Variants in COL16A1 observed in about 807,000 individuals in gnomAD.
COL16A1 encodes the protein collagen type XVI alpha 1 chain, also known as collagen alpha-1(XVI) chain.
A neutral mutation model predicts 266.3 loss-of-function variants in COL16A1; 189 were observed. The ratio of observed to expected loss-of-function variants is 0.71; its 90% confidence interval spans 0.63 to 0.80. The LOEUF (loss-of-function observed/expected upper bound fraction) is 0.80. COL16A1 is among the 30% of genes least tolerant of loss of function. The pLI is 0.00. For missense variants in COL16A1, 1,928 were observed against 2,122.4 expected (o/e 0.91, Z 1.80); for synonymous variants, 740 against 782.3 (o/e 0.95, Z 0.90).
chr1:31,666,766 C>T (rs1210827403), intron 52 of COL16A1, among the ~76,000 whole-genome samples: 1 of 152,148 alleles, frequency 6.6e-6, no homozygotes, highest in East Asian at 1.9e-4. Context: ...GCCACCTGCT[C>T]AGAGAGGCCT....
In COL16A1 at chr1:31,686,384, T is replaced by A. The variant is rs559197577; in HGVS notation, c.1804-105A>T. The stretch of plus-strand genomic sequence containing the variant: ...AAGCAACCCCTTCAGATGTCCAGAC[T>A]ACCCTCTCATGTCCAGAGAGGAAGA... On this transcript the variant is annotated intron_variant, in intron 26 of 70. Coordinates refer to ENST00000373672, the MANE Select transcript of COL16A1 (RefSeq NM_001856.4). The A allele has an allele frequency of 2.6e-5, 38 of 1,438,578 alleles. No homozygotes were observed. In the African/African-American group the frequency reaches 5.0e-4, roughly 19 times the overall value. 89.1% of individuals were successfully genotyped at this position (1,438,578 alleles called of 1,614,324 possible).
chr1:31,692,896 A>G (rs1644337502), intron 13 of COL16A1, 88 bp from the exon 14 acceptor site: 1 of 1,320,260 alleles, frequency 7.6e-7, no homozygotes, highest in African/African-American at 1.5e-5. Flanking sequence ...CGGGAACCCC[A>G]TAGTCCTAAG....
chr1:31,691,979 G>C (rs1036909810), intron 17 of COL16A1, 26 bp downstream of exon 17: 15 of 1,613,432 alleles, frequency 9.3e-6, no homozygotes, highest in Non-Finnish European at 1.3e-5. Context: ...TGTGGGTTGT[G>C]GTGGGGAAGG....
rs374606696 is a variant in COL16A1 at position 31,691,639 on chromosome 1, G to A, written c.1261C>T (p.Arg421Trp). 1.1e-4 allele frequency: 170 copies of A among 1,613,334 alleles called. No individual in the cohort carries two copies. Among genetic ancestry groups the A allele is most frequent in the Middle Eastern group, 1.7e-4 (1 of 6,058 alleles). Reference sequence around the variant, plus strand: ...CCAATGACACAGATCTCTCCTGGCCGGCCCTGTGGGGGGATAAGGGGGAGG... The same window carrying A: ...CCAATGACACAGATCTCTCCTGGCCAGCCCTGTGGGGGGATAAGGGGGAGG... ...GVPGKPGRDGRPGEICVIGPK... is the reference protein window; with the variant it reads ...GVPGKPGRDGWPGEICVIGPK... The change falls in exon 18 of 71, where the codon CGG becomes TGG. Residue 421 changes from arginine to tryptophan, a missense_variant. By Grantham distance (101) the Arg-to-Trp change is moderately radical. This residue lies in a region of COL16A1 where 1,552 missense variants were observed against 1,637.2 expected (regional missense o/e 0.95). Coordinates refer to ENST00000373672, the MANE Select transcript of COL16A1 (RefSeq NM_001856.4).
At chr1:31,692,897 T>C in intron 13 of COL16A1, 89 bp from the exon 14 acceptor site, 1 of 1,275,990 alleles carries the variant, frequency 7.8e-7, no homozygotes, top group Admixed American at 1.8e-5. Context: ...GGGAACCCCA[T>C]AGTCCTAAGT....
At chr1:31,686,454 G>C (rs1026031469) in intron 26 of COL16A1, 175 bp from the exon 27 acceptor site, 9 of 860,920 alleles carry the variant, frequency 1.0e-5, no homozygotes, top group African/African-American at 3.3e-5. Flanking sequence ...CCAGCCAGGG[G>C]CTAGAAGCCC....
chr1:31,688,503 C>A lies in COL16A1; in HGVS notation c.1768-1G>T. 2 of 1,614,180 alleles carry A rather than the reference C, an allele frequency of 1.2e-6. No individual in the cohort carries two copies. Among genetic ancestry groups the A allele is most frequent in the South Asian group, 1.1e-5 (1 of 91,086 alleles). ...TCAGCCCTGGAACCCCAGCTCTACC[C>A]TGAAAAACAACCAAGACAGAGTCTC... On this transcript the variant is annotated splice_acceptor_variant, in intron 25 of 70. Coordinates refer to ENST00000373672, the MANE Select transcript of COL16A1 (RefSeq NM_001856.4). LOFTEE classifies it high-confidence loss of function. This position sits in a 1 kb window ranked among gnomAD's most constrained non-coding sequence, Gnocchi z 4.9.
chr1:31,671,717 GA>G, intron 47 of COL16A1, 58 bp from the exon 48 acceptor site: 1 of 1,607,802 alleles, frequency 6.2e-7, no homozygotes, highest in Non-Finnish European at 8.5e-7. Flanking sequence ...GAGCCCCTGG[GA>G]TTCCAGCAGC....
In COL16A1 at chr1:31,679,796, C is replaced by A; in HGVS notation, c.2718+8G>T. ...GCGCTGGCGGACAAGAGGAGACAAGCGACACACCTGCGGGCCCGGCTGCCA... is the reference window on the plus strand; with the variant it reads ...GCGCTGGCGGACAAGAGGAGACAAGAGACACACCTGCGGGCCCGGCTGCCA... On this transcript the variant is annotated splice_region_variant and intron_variant, in intron 41 of 70. Coordinates refer to ENST00000373672, the MANE Select transcript of COL16A1 (RefSeq NM_001856.4). 6.4e-7 allele frequency: 1 copy of A among 1,571,822 alleles called. No individual in the cohort carries two copies. The highest frequency in any genetic ancestry group is 1.2e-5 in the South Asian group (1 of 83,572).
intron 4 of COL16A1, among the ~76,000 whole-genome samples, chr1:31,699,251 G>A (rs775641645): frequency 4.1e-4 from 62 of 152,188 alleles, no homozygotes; most frequent in Non-Finnish European, 4.7e-4. Flanking sequence ...TGACTATTTC[G>A]CTATCGCATT....
Position 31,685,896 on chromosome 1 carries a change from C to T in COL16A1, c.1885-126G>A. 6.6e-7 allele frequency: 1 copy of T among 1,520,442 alleles called. No individual in the cohort carries two copies. The highest frequency in any genetic ancestry group is 8.9e-7 in the Non-Finnish European group (1 of 1,122,736). The allele number at this position is 1,520,442 out of a possible 1,614,324, so 94.2% of individuals were successfully genotyped here. A position where few individuals can be genotyped will look rare whatever the true frequency, so the allele number is the denominator to read the frequency against. ...GCACCTCTGCTGGGTGAGGGGTTAT[C>T]TTGGGAAAGATGAAGGGAGAACAGG... On this transcript the variant is annotated intron_variant, in intron 28 of 70. Transcript: ENST00000373672. This position sits in a 1 kb window ranked among gnomAD's most constrained non-coding sequence, Gnocchi z 4.0.
chr1:31,695,993 G>T, intron 9 of COL16A1, 95 bp downstream of exon 9: 1 of 1,173,660 alleles, frequency 8.5e-7, no homozygotes, highest in Non-Finnish European at 1.3e-6. Context: ...AAGGCGGGAG[G>T]AGAGTGGGAG....
At position 31,665,592 on chromosome 1, in the gene COL16A1, C is replaced by A. The variant is rs375283417; in HGVS notation, c.3483G>T (p.Pro1161=). 6.2e-7 allele frequency: 1 copy of A among 1,613,724 alleles called. No homozygotes were observed. The highest frequency in any genetic ancestry group is 1.7e-5 in the Admixed American group (1 of 59,960). The change falls in exon 55 of 71, where the codon CCG becomes CCT. Residue 1161 remains proline, a synonymous_variant. Transcript: ENST00000373672. Reference sequence around the variant, plus strand: ...TGTCTTCTTCACTCACCGGTGGGCCCGGAAAGCCTGGCTGGCCTTGAAATC... The same window carrying A: ...TGTCTTCTTCACTCACCGGTGGGCCAGGAAAGCCTGGCTGGCCTTGAAATC... ...DQGFQGQPGF[P]GPPGPPGFPG...
At position 31,658,583 on chromosome 1, in the gene COL16A1, G is replaced by A; in HGVS notation, c.3931-6C>T. 1.3e-6 allele frequency: 2 copies of A among 1,597,904 alleles called. No homozygotes were observed. The highest frequency in any genetic ancestry group is 1.7e-6 in the Non-Finnish European group (2 of 1,173,202). On this transcript the variant is annotated splice_polypyrimidine_tract_variant and splice_region_variant and intron_variant, in intron 63 of 70. Transcript: ENST00000373672. ...CCTCGGTCTCCTTTCAGACCCTAGA[G>A]AATAGGAAGGGGGACAGTGAGAGGG...
At position 31,695,766 on chromosome 1, in the gene COL16A1, C is replaced by T. The variant is rs181832523; in HGVS notation, c.940G>A (p.Asp314Asn). ...GAKVHQETAADECPPCVHGAR... is the reference protein window; with the variant it reads ...GAKVHQETAANECPPCVHGAR... ...CAGTCCACTGGGAGGCTTACCTCAT[C>T]GGCTGCTGTCTCCTGATGGACCTGA... The change falls in exon 10 of 71, where the codon GAT (aspartate) becomes AAT (asparagine). Residue 314 changes from aspartate (D) to asparagine (N), a missense_variant. This residue lies in a region of COL16A1 where 1,552 missense variants were observed against 1,637.2 expected (regional missense o/e 0.95). Transcript: ENST00000373672. The T allele has an allele frequency of 9.9e-6, 16 of 1,612,972 alleles. No individual in the cohort carries two copies. In the East Asian group the frequency reaches 1.1e-4, roughly 11 times the overall value.
At chr1:31,702,906 T>C (rs549046863) in intron 1 of COL16A1, among the ~76,000 whole-genome samples, 14 of 152,182 alleles carry the variant, frequency 9.2e-5, no homozygotes, top group African/African-American at 3.4e-4. Context: ...GTCTTTTAGT[T>C]TTATTAAACC....
In COL16A1 at chr1:31,656,935, T is replaced by C. The variant is rs936363408; in HGVS notation, c.4056+98A>G. 3.9e-6 allele frequency: 6 copies of C among 1,534,878 alleles called. No individual in the cohort carries two copies. Among genetic ancestry groups the C allele is most frequent in the Admixed American group, 3.4e-5 (2 of 59,384 alleles). On this transcript the variant is annotated intron_variant, in intron 65 of 70. Coordinates refer to ENST00000373672, the MANE Select transcript of COL16A1 (RefSeq NM_001856.4). This position sits in a 1 kb window ranked among gnomAD's most constrained non-coding sequence, Gnocchi z 4.2. The stretch of plus-strand genomic sequence containing the variant: ...ACAATTTCCAGAGACAGCCCGTACA[T>C]AGAAGGAATGTTTACTGAAAAAAAT...
intron 46 of COL16A1, 39 bp from the exon 47 acceptor site, chr1:31,672,541 G>T (rs199883423): frequency 1.7e-4 from 279 of 1,613,704 alleles, no homozygotes; most frequent in Non-Finnish European, 2.2e-4. Context: ...AGCAGTCAGG[G>T]CCTGTCCCTG....
In COL16A1 at chr1:31,698,699, A is replaced by G; in HGVS notation, c.267-93T>C. The G allele has an allele frequency of 6.5e-7, 1 of 1,546,650 alleles. No individual in the cohort carries two copies. The highest frequency in any genetic ancestry group is 8.7e-7 in the Non-Finnish European group (1 of 1,150,302). On this transcript the variant is annotated intron_variant, in intron 4 of 70. Coordinates refer to ENST00000373672, the MANE Select transcript of COL16A1 (RefSeq NM_001856.4). This position sits in a 1 kb window ranked among gnomAD's most constrained non-coding sequence, Gnocchi z 4.1. ...CTCAGGACTGCTGAGCCTACCCAAG[A>G]CATCCACAGGCACACATCTTCCATC...
Sources: allele counts gnomAD v4.1 joint callset (sites outside exome capture counted in the v4.1 genomes callset), GRCh38; gene constraint gnomAD v4.1.1; regional missense constraint gnomAD v4.1.1; non-coding constraint Gnocchi (gnomAD v3.1); transcripts MANE v1.5; gene names NCBI Gene and HGNC (gene_info 2026-07-23, HGNC 2026-07-21).